ZC3H13: variants seen among roughly 807,000 people sequenced by gnomAD.
ZC3H13 encodes the protein zinc finger CCCH-type containing 13.
ZC3H13 carries 64 observed loss-of-function variants against 204.1 expected under a neutral mutation model. The observed-to-expected ratio is 0.31, with a 90% confidence interval of 0.26 to 0.39. The LOEUF is 0.39. Among genes scored for constraint, ZC3H13 ranks in the 10% least tolerant of loss-of-function variants. The pLI is 1.00. For missense variants in ZC3H13, 1,833 were observed against 2,082.7 expected, an observed-to-expected ratio of 0.88 and a Z score of 2.33; for synonymous variants, 667 against 693.7, an observed-to-expected ratio of 0.96 and a Z score of 0.60.
At chr13:45,967,279 G>A (rs1952172030) in intron 15 of ZC3H13, among the ~76,000 whole-genome samples, 1 of 151,910 alleles carries the variant, frequency 6.6e-6, no homozygotes, top group African/African-American at 2.4e-5. Context: ...AGGTTTATGT[G>A]AACCAAATCT....
chr13:45,974,088 A>G (rs1952813245), intron 12 of ZC3H13, among the ~76,000 whole-genome samples: 1 of 152,226 alleles, frequency 6.6e-6, no homozygotes, highest in Non-Finnish European at 1.5e-5. Context: ...AGAAAATTGA[A>G]GATACATAAA....
chr13:45,988,729 C>CAACAATAAAGCTGGATGTTCAATT, intron 9 of ZC3H13, 58 bp downstream of exon 9: 1 of 1,531,680 alleles, frequency 6.5e-7, no homozygotes. Context: ...TCTCTTAGTA[C>CAACAATAAAGCTGGATGTTCAATT]AACAATAAAG....
chr13:45,975,759 T>C lies in ZC3H13; in HGVS notation c.1992A>G (p.Arg664=). The C allele has an allele frequency of 6.2e-7, 1 of 1,614,002 alleles. No individual in the cohort carries two copies. The highest frequency in any genetic ancestry group is 8.5e-7 in the Non-Finnish European group (1 of 1,179,926). ...LERDERREER[R]VDRVDDRRDE... ...CTCTCCTATCATCCACTCTGTCTACTCTTCGTTCCTCTCTTCTTTCATCAC... is the reference window on the plus strand; with the variant it reads ...CTCTCCTATCATCCACTCTGTCTACCCTTCGTTCCTCTCTTCTTTCATCAC... Residue 664 remains arginine, a synonymous_variant, in exon 12 of 19, where the codon AGA becomes AGG. Coordinates refer to ENST00000679008, the MANE Select transcript of ZC3H13 (RefSeq NM_001330564.2).
At chr13:45,971,030 G>C (rs1281835685) in intron 12 of ZC3H13, among the ~76,000 whole-genome samples, 1 of 152,142 alleles carries the variant, frequency 6.6e-6, no homozygotes, top group African/African-American at 2.4e-5. Flanking sequence ...TAAAATTGCA[G>C]TAAGGAATAA....
chr13:46,007,002 T>C (rs2041204887), intron 7 of ZC3H13, among the ~76,000 whole-genome samples: 1 of 152,010 alleles, frequency 6.6e-6, no homozygotes, highest in African/African-American at 2.4e-5. Flanking sequence ...TAAATATCTG[T>C]ATTTCTGGAT....
chr13:46,012,045 G>A (rs1183729103), intron 5 of ZC3H13, among the ~76,000 whole-genome samples: 1 of 152,144 alleles, frequency 6.6e-6, no homozygotes, highest in Non-Finnish European at 1.5e-5. Flanking sequence ...TGAGACAAAT[G>A]ATTAATATCT....
intron 8 of ZC3H13, among the ~76,000 whole-genome samples, chr13:45,998,127 G>C (rs181867690): frequency 1.3e-5 from 2 of 152,232 alleles, no homozygotes; most frequent in Non-Finnish European, 2.9e-5. Context: ...AAGGAATTTA[G>C]ACATTAACCT....
chr13:46,052,324 G>A (rs372305727), intron 1 of ZC3H13, 80 bp downstream of exon 1: 3 of 390,304 alleles, frequency 7.7e-6, no homozygotes, highest in Non-Finnish European at 9.0e-6. Flanking sequence ...CAAAGACGGG[G>A]GGGGGTAACC....
intron 8 of ZC3H13, among the ~76,000 whole-genome samples, chr13:45,996,862 T>C (rs1368561932): frequency 1.3e-5 from 2 of 151,954 alleles, no homozygotes; most frequent in African/African-American, 2.4e-5. Flanking sequence ...GAATAGTCTA[T>C]ACATGAAATT....
At chr13:46,044,693 G>A (rs2043823904) in intron 3 of ZC3H13, among the ~76,000 whole-genome samples, 1 of 151,836 alleles carries the variant, frequency 6.6e-6, no homozygotes, top group African/African-American at 2.4e-5. Context: ...AATTAGGGGG[G>A]AAAAAGTAAG....
At chr13:46,049,859 T>C (rs1251192274) in intron 1 of ZC3H13, among the ~76,000 whole-genome samples, 1 of 152,180 alleles carries the variant, frequency 6.6e-6, no homozygotes, top group African/African-American at 2.4e-5. Context: ...TTTCCTATCA[T>C]AGAGAATAGA....
chr13:45,962,516 C>T (rs1951762141), intron 17 of ZC3H13: 2 of 983,484 alleles, frequency 2.0e-6, no homozygotes, highest in African/African-American at 3.5e-5. Context: ...GTCACAGAAC[C>T]AACCAAACAA....
chr13:46,024,592 T>C (rs2138873061), intron 4 of ZC3H13, among the ~76,000 whole-genome samples: 1 of 152,320 alleles, frequency 6.6e-6, no homozygotes, highest in South Asian at 2.1e-4. Flanking sequence ...ATTTTCTCTA[T>C]GTCTCTGATG....
chr13:46,050,891 T>C (rs1482378652), intron 1 of ZC3H13, among the ~76,000 whole-genome samples: 5 of 151,500 alleles, frequency 3.3e-5, no homozygotes, highest in Non-Finnish European at 7.4e-5. Context: ...AACTGCATCA[T>C]ACAAAAATAC....
At chr13:45,995,456 T>A (rs2040263131) in intron 8 of ZC3H13, among the ~76,000 whole-genome samples, 1 of 152,250 alleles carries the variant, frequency 6.6e-6, no homozygotes, top group Admixed American at 6.5e-5. Flanking sequence ...GTTGTTTTGA[T>A]GTTTATAACA....
In ZC3H13 at chr13:46,052,612, G is replaced by A; in HGVS notation, c.-218C>T. The A allele has an allele frequency of 2.5e-6, 1 of 398,760 alleles. No homozygotes were observed. Among genetic ancestry groups the A allele is most frequent in the Non-Finnish European group, 4.4e-6 (1 of 226,194 alleles). 24.7% of individuals were successfully genotyped at this position (398,760 alleles called of 1,614,324 possible). A position where few individuals can be genotyped will look rare whatever the true frequency, so the allele number is the denominator to read the frequency against. ...GAGAAGCAGAACCAACCCGCCCGCC[G>A]CCTCTCCAGGGTCAAGCGAAACTGG... On this transcript the variant is annotated 5_prime_UTR_variant, in exon 1 of 19. Coordinates refer to ENST00000679008, the MANE Select transcript of ZC3H13 (RefSeq NM_001330564.2).
At position 46,052,481 on chromosome 13, in the gene ZC3H13, C is replaced by G; in HGVS notation, c.-87G>C. On this transcript the variant is annotated 5_prime_UTR_variant, in exon 1 of 19. Transcript: ENST00000679008. ...CCGCTCCGAGGAGCGGGGGAGGCGACTCTGTCCCCGCGCCTGGACCCAGGA... is the reference window on the plus strand; with the variant it reads ...CCGCTCCGAGGAGCGGGGGAGGCGAGTCTGTCCCCGCGCCTGGACCCAGGA... 1 of 398,452 alleles carries G rather than the reference C, an allele frequency of 2.5e-6. No homozygotes were observed. The highest frequency in any genetic ancestry group is 4.4e-6 in the Non-Finnish European group (1 of 226,018). 24.7% of individuals were successfully genotyped at this position (398,452 alleles called of 1,614,324 possible). A position where few individuals can be genotyped will look rare whatever the true frequency, so the allele number is the denominator to read the frequency against.
chr13:45,968,088 G>A (rs1952246378), intron 14 of ZC3H13, 60 bp from the exon 15 acceptor site: 1 of 1,472,902 alleles, frequency 6.8e-7, no homozygotes, highest in Admixed American at 2.5e-5. Flanking sequence ...GAAACAAAAT[G>A]CTTCATTTCA....
chr13:46,023,382 C>G (rs1486795507), intron 4 of ZC3H13, among the ~76,000 whole-genome samples: 1 of 152,162 alleles, frequency 6.6e-6, no homozygotes, highest in Non-Finnish European at 1.5e-5. Context: ...CCTACAATTT[C>G]TACTGATTGG....
Sources: allele counts gnomAD v4.1 joint callset (sites outside exome capture counted in the v4.1 genomes callset), GRCh38; gene constraint gnomAD v4.1.1; transcripts MANE v1.5; gene names NCBI Gene and HGNC (gene_info 2026-07-23, HGNC 2026-07-21).